Variants in HSPG2 observed in about 807,000 individuals in gnomAD.
HSPG2 encodes heparan sulfate proteoglycan 2, also known as basement membrane-specific heparan sulfate proteoglycan core protein.
Under a neutral mutation model 526.6 loss-of-function variants are expected in HSPG2, and 278 were observed. That is an observed-to-expected ratio of 0.53 (90% confidence interval 0.48 to 0.58). The LOEUF (loss-of-function observed/expected upper bound fraction) is 0.58, where lower values mean the gene tolerates loss of function less well. Ranked by LOEUF, HSPG2 falls within the 20% of genes least tolerant of loss-of-function variation. HSPG2 has a pLI of 0.00. For missense variants in HSPG2, 5,354 were observed against 6,099.5 expected (o/e 0.88, Z 4.07); for synonymous variants, 2,465 against 2,555.4 (o/e 0.96, Z 1.07).
chr1:21,870,906 C>A (rs1428559019), intron 33 of HSPG2: 4 of 985,156 alleles, frequency 4.1e-6, no homozygotes, highest in Non-Finnish European at 4.8e-6. Context: ...GGACAGGAGA[C>A]AGAGATAGGT....
chr1:21,922,245 G>A (rs115702407), intron 1 of HSPG2, among the ~76,000 whole-genome samples: 3,633 of 152,226 alleles, frequency 0.024, 62 homozygotes, highest in African/African-American at 0.049. Flanking sequence ...GAACTCACCC[G>A]CCCAGGGTCA....
chr1:21,892,813 G>A (rs2152769068), intron 3 of HSPG2, among the ~76,000 whole-genome samples: 1 of 143,466 alleles, frequency 7.0e-6, no homozygotes, highest in South Asian at 2.2e-4. Flanking sequence ...AGCCGAGATT[G>A]TGCCACTGTA....
intron 6 of HSPG2, chr1:21,888,705 T>TG (rs747184696): frequency 7.9e-5 from 107 of 1,362,364 alleles, no homozygotes; most frequent in South Asian, 5.0e-4. Context: ...CCGGCGGGGG[T>TG]GGGGGGGTCT....
intron 1 of HSPG2, among the ~76,000 whole-genome samples, chr1:21,925,081 C>T (rs1382314578): frequency 6.6e-6 from 1 of 152,362 alleles, no homozygotes; most frequent in African/African-American, 2.4e-5. Flanking sequence ...TCTGGTGACG[C>T]TGAAGGCAGC....
rs1644183836 is a variant in HSPG2, at chr1:21,926,102, T to C, written c.63+11053A>G. 1.3e-5 allele frequency among the ~76,000 whole-genome samples: 2 copies of C among 152,092 alleles called. 1 individual carries two copies. Among genetic ancestry groups the C allele is most frequent in the East Asian group, 3.9e-4 (2 of 5,190 alleles). ...TCCTAGGCCTCCCAAAGTGCTGGGA[T>C]TACAAGTGAGAATCTGGCCCCCAAC... On this transcript the variant is annotated intron_variant, in intron 1 of 96. Transcript: ENST00000374695.
Position 21,823,814 on chromosome 1 carries a change from A to G in HSPG2, c.12900-95T>C, listed in dbSNP as rs2097959438. 3.1e-6 allele frequency: 3 copies of G among 958,318 alleles called. No individual in the cohort carries two copies. In the South Asian group the frequency reaches 4.0e-5, roughly 13 times the overall value. 59.4% of individuals were successfully genotyped at this position (958,318 alleles called of 1,614,324 possible). A position where few individuals can be genotyped will look rare whatever the true frequency, so the allele number is the denominator to read the frequency against. ...CCTCCCTCTGATATCGAGACTCCAG[A>G]CTCAGAAGTCTGTCCCTGTTTCCCA... On this transcript the variant is annotated intron_variant, in intron 95 of 96. Transcript: ENST00000374695.
chr1:21,848,482 A>G lies in HSPG2; in HGVS notation c.7737+161T>C, dbSNP rs1453996974. ...GATCTCCCTGAGGTCAGGGAGCCTT[A>G]TTTCTGTATTCTCAGCACTGGTCTA... On this transcript the variant is annotated intron_variant, in intron 59 of 96. Transcript: ENST00000374695. This position sits in a 1 kb window ranked among gnomAD's most constrained non-coding sequence, Gnocchi z 4.9. Among the ~76,000 whole-genome samples the G allele has an allele frequency of 6.6e-6, 1 of 151,896 alleles. No individual in the cohort carries two copies. Among genetic ancestry groups the G allele is most frequent in the Non-Finnish European group, 1.5e-5 (1 of 67,942 alleles).
At chr1:21,833,174 G>A in intron 80 of HSPG2, 94 bp downstream of exon 80, 1 of 1,044,938 alleles carries the variant, frequency 9.6e-7, no homozygotes, top group Admixed American at 1.7e-5. Context: ...GGGCAGGACT[G>A]AGGGGCAGCC....
chr1:21,846,080 C>T, intron 64 of HSPG2, 28 bp downstream of exon 64: 1 of 1,611,254 alleles, frequency 6.2e-7, no homozygotes, highest in Non-Finnish European at 8.5e-7. Context: ...CTCCCCCGGC[C>T]TTCCCGTCCC....
chr1:21,922,115 T>G (rs184238454), intron 1 of HSPG2, among the ~76,000 whole-genome samples: 1 of 152,226 alleles, frequency 6.6e-6, no homozygotes. Context: ...AAATAATAGT[T>G]CCCGTTATTT....
chr1:21,880,064 C>T, intron 17 of HSPG2, 43 bp downstream of exon 17: 1 of 1,610,196 alleles, frequency 6.2e-7, no homozygotes, highest in South Asian at 1.1e-5. Flanking sequence ...CACATTGTCC[C>T]TTCTCCTATT....
rs1213323551 is a variant in HSPG2 at position 21,859,794 on chromosome 1, G to A, written c.5182+41C>T. The stretch of plus-strand genomic sequence containing the variant: ...ACAGGCCCCTGCCTCCCCTCCCACT[G>A]GGATGGCTCTTGGGGCTGAGGAGCC... On this transcript the variant is annotated intron_variant, in intron 41 of 96. Coordinates refer to ENST00000374695, the MANE Select transcript of HSPG2 (RefSeq NM_005529.7). The surrounding 1 kb of genome is among the most constrained non-coding windows in gnomAD (Gnocchi z 5.3). The A allele has an allele frequency of 2.5e-6, 4 of 1,606,542 alleles. No individual in the cohort carries two copies. The African/African-American group carries it at 4.0e-5, about 16-fold the overall frequency.
At chr1:21,911,030 G>A (rs1643635163) in intron 1 of HSPG2, among the ~76,000 whole-genome samples, 2 of 152,172 alleles carry the variant, frequency 1.3e-5, no homozygotes, top group African/African-American at 4.8e-5. Context: ...AAAGGCAGTC[G>A]GAGAGCACTG....
rs1642324274 is a variant in HSPG2 at position 21,891,059 on chromosome 1, C to A, written c.245-365G>T. Among the ~76,000 whole-genome samples the A allele has an allele frequency of 2.0e-5, 3 of 152,316 alleles. No individual in the cohort carries two copies. In the South Asian group the frequency reaches 6.2e-4, roughly 32 times the overall value. ...CTGCGTGTGACTGGGAAAGGCTCTG[C>A]CAGCCTTCCTCGGTCAGTTCCTACT... On this transcript the variant is annotated intron_variant, in intron 3 of 96. Coordinates refer to ENST00000374695, the MANE Select transcript of HSPG2 (RefSeq NM_005529.7).
chr1:21,831,972 C>T (rs1572157818), intron 81 of HSPG2, among the ~76,000 whole-genome samples, 176 bp from the exon 82 acceptor site: 3 of 152,226 alleles, frequency 2.0e-5, no homozygotes, highest in African/African-American at 7.2e-5. Flanking sequence ...CGTGACCCAT[C>T]CCCTGGATCT....
intron 44 of HSPG2, 43 bp downstream of exon 44, chr1:21,856,972 G>C: frequency 6.3e-7 from 1 of 1,584,164 alleles, no homozygotes. Context: ...TGGGAATGGG[G>C]GAGAGACAGG....
chr1:21,905,464 A>G (rs755624506), intron 1 of HSPG2, among the ~76,000 whole-genome samples: 13 of 152,090 alleles, frequency 8.5e-5, no homozygotes, highest in African/African-American at 2.4e-4. Context: ...TCAGCCGCGC[A>G]TGGTCGGTGC....
rs140175839 is a variant in HSPG2 at position 21,836,701 on chromosome 1, G to C, written c.10355+101C>G. On this transcript the variant is annotated intron_variant, in intron 75 of 96. Transcript: ENST00000374695. ...AGGTAAAGTGATGTGTCCAAGGACAGTGCTTCATGTTGCGCCCCCTGGGGC... is the reference window on the plus strand; with the variant it reads ...AGGTAAAGTGATGTGTCCAAGGACACTGCTTCATGTTGCGCCCCCTGGGGC... The C allele has an allele frequency of 1.6e-3, 1,556 of 981,050 alleles. 5 individuals are homozygous for C. The highest frequency in any genetic ancestry group is 2.1e-3 in the Non-Finnish European group (1,342 of 642,870). 60.8% of individuals were successfully genotyped at this position (981,050 alleles called of 1,614,324 possible). A position where few individuals can be genotyped will look rare whatever the true frequency, so the allele number is the denominator to read the frequency against.
intron 1 of HSPG2, among the ~76,000 whole-genome samples, chr1:21,901,244 G>A (rs968233798): frequency 6.6e-6 from 1 of 152,074 alleles, no homozygotes; most frequent in African/African-American, 2.4e-5. Context: ...AGCAGGTAAG[G>A]CACTTAGTGA....
Sources: gnomAD v4.1 joint callset for allele counts (sites outside exome capture counted in the v4.1 genomes callset) on GRCh38, gnomAD v4.1.1 for gene constraint, Gnocchi (gnomAD v3.1) non-coding constraint, MANE v1.5 for transcripts, NCBI Gene and HGNC (gene_info 2026-07-23, HGNC 2026-07-21) for gene names.